PLEKHB2: variants seen among roughly 807,000 people sequenced by gnomAD.
PLEKHB2 encodes pleckstrin homology domain-containing family B member 2.
PLEKHB2 carries 31 observed loss-of-function variants against 36.5 expected under a neutral mutation model. The ratio of observed to expected loss-of-function variants is 0.85; its 90% CI spans 0.64 to 1.15. PLEKHB2 has a LOEUF of 1.15. PLEKHB2 is among the 50% of genes most tolerant of loss of function. PLEKHB2 has a pLI of 0.00. For missense variants in PLEKHB2, 262 were observed against 295.3 expected (o/e 0.89, Z 0.83); for synonymous variants, 119 against 112.0 (o/e 1.06, Z -0.39).
rs369527515 is a variant in PLEKHB2, at chr2:131,147,788, ACT to A, written c.*1018_*1019del. On this transcript the variant is annotated 3_prime_UTR_variant, in exon 8 of 8. Transcript: ENST00000693505. The stretch of plus-strand genomic sequence containing the variant: ...ACTTCAGCCTGGGTGACAGAGTGAG[ACT>A]CTGTCTCAAAAAAAAAAAAAAAATC... 1 of 138,024 alleles carries A rather than the reference ACT, an allele frequency of 7.2e-6. No individual in the cohort carries two copies. The highest frequency in any genetic ancestry group is 3.1e-5 in the African/African-American group (1 of 32,454). 8.5% of individuals were successfully genotyped at this position (138,024 alleles called of 1,614,324 possible). A position where few individuals can be genotyped will look rare whatever the true frequency, so the allele number is the denominator to read the frequency against.
At chr2:131,136,947 TC>T (rs1344231680) in intron 6 of PLEKHB2, among the ~76,000 whole-genome samples, 2,883 of 149,808 alleles carry the variant, frequency 0.019, 148 homozygotes, top group African/African-American at 0.067. Context: ...TTCTTTTCTT[TC>T]TTTTTTTTTT....
chr2:131,131,499 T>A (rs1158442240), intron 5 of PLEKHB2, among the ~76,000 whole-genome samples: 1 of 152,202 alleles, frequency 6.6e-6, no homozygotes, highest in Non-Finnish European at 1.5e-5. Context: ...TAATGCTGTC[T>A]TTATCTGTCA....
chr2:131,130,790 T>A, intron 5 of PLEKHB2, 30 bp downstream of exon 5: 2 of 1,353,958 alleles, frequency 1.5e-6, no homozygotes, highest in Admixed American at 1.9e-5. Context: ...CACCAATAAT[T>A]TTTTTTTTTT....
At chr2:131,143,478 C>G (rs909987282) in intron 7 of PLEKHB2, among the ~76,000 whole-genome samples, 1 of 152,180 alleles carries the variant, frequency 6.6e-6, no homozygotes, top group African/African-American at 2.4e-5. Flanking sequence ...TAAGGGACAT[C>G]CCAGATTTTT....
chr2:131,125,984 T>G (rs1163798749), intron 3 of PLEKHB2, 79 bp downstream of exon 3: 2 of 1,393,164 alleles, frequency 1.4e-6, no homozygotes, highest in African/African-American at 1.4e-5. Flanking sequence ...CTTCCTTCCC[T>G]GTTCTGCTTT....
intron 1 of PLEKHB2, among the ~76,000 whole-genome samples, chr2:131,108,987 G>A (rs1217500129): frequency 6.6e-6 from 1 of 152,108 alleles, no homozygotes; most frequent in Admixed American, 6.6e-5. Flanking sequence ...CTGAACATAG[G>A]TCTTTTAACT....
chr2:131,136,576 A>G (rs1345830046), intron 6 of PLEKHB2, among the ~76,000 whole-genome samples: 2 of 151,766 alleles, frequency 1.3e-5, no homozygotes, highest in Admixed American at 6.6e-5. Flanking sequence ...TGGTTTTCAC[A>G]TACTGAACCA....
chr2:131,117,706 C>T (rs1462122342), intron 1 of PLEKHB2, among the ~76,000 whole-genome samples: 1 of 151,974 alleles, frequency 6.6e-6, no homozygotes, highest in East Asian at 1.9e-4. Flanking sequence ...TGAATGCGTA[C>T]GTGCTTTGCC....
At position 131,115,341 on chromosome 2, in the gene PLEKHB2, C is replaced by CTTTTTTTTT. The variant is rs1179533654; in HGVS notation, c.-8-5570_-8-5562dup. 2.2e-4 allele frequency among the ~76,000 whole-genome samples: 14 copies of CTTTTTTTTT among 64,564 alleles called. 1 individual carries two copies. Among genetic ancestry groups the CTTTTTTTTT allele is most frequent in the Non-Finnish European group, 3.2e-4 (11 of 33,864 alleles). 42.4% of individuals were successfully genotyped at this position (64,564 alleles called of 152,430 possible). On this transcript the variant is annotated intron_variant, in intron 1 of 7. Coordinates refer to ENST00000693505, the MANE Select transcript of PLEKHB2 (RefSeq NM_001100623.2). ...GCCAAACCATTATCAGAAAGTATGT[C>CTTTTTTTTT]TTTTTTTTTTTTTTTTTTTTTTTTT...
chr2:131,109,258 C>T (rs1283520608), intron 1 of PLEKHB2, among the ~76,000 whole-genome samples: 6 of 152,166 alleles, frequency 3.9e-5, no homozygotes, highest in Admixed American at 2.0e-4. Context: ...AATTTAAAAA[C>T]GAAAGCAGAG....
chr2:131,108,446 G>T (rs539974983), intron 1 of PLEKHB2, among the ~76,000 whole-genome samples: 1 of 152,258 alleles, frequency 6.6e-6, no homozygotes, highest in Non-Finnish European at 1.5e-5. Context: ...TTAAGTTATG[G>T]AGTGGTGTGA....
In PLEKHB2 at chr2:131,140,288, G is replaced by A. The variant is rs758299840; in HGVS notation, c.532+13G>A. On this transcript the variant is annotated intron_variant, in intron 7 of 7. Transcript: ENST00000693505. The stretch of plus-strand genomic sequence containing the variant: ...TACCCATATGCAGGTAACTCACGCC[G>A]GCCTTTCATTCCTCATTTCTCTCCA... 1.5e-5 allele frequency: 21 copies of A among 1,390,414 alleles called. No homozygotes were observed. The highest frequency in any genetic ancestry group is 1.9e-5 in the Non-Finnish European group (19 of 980,030). The allele number at this position is 1,390,414 out of a possible 1,614,324, so 86.1% of individuals were successfully genotyped here. A position where few individuals can be genotyped will look rare whatever the true frequency, so the allele number is the denominator to read the frequency against.
intron 6 of PLEKHB2, among the ~76,000 whole-genome samples, chr2:131,135,898 G>A (rs918243541): frequency 1.3e-5 from 2 of 151,948 alleles, no homozygotes; most frequent in Non-Finnish European, 2.9e-5. Context: ...GTGAGCCACC[G>A]CGCCCGGCCA....
intron 2 of PLEKHB2, 28 bp from the exon 3 acceptor site, chr2:131,125,725 A>AG: frequency 1.3e-6 from 2 of 1,576,332 alleles, no homozygotes; most frequent in Non-Finnish European, 8.6e-7. Flanking sequence ...AAAAAAAAAA[A>AG]AACAACCGTA....
intron 2 of PLEKHB2, among the ~76,000 whole-genome samples, chr2:131,124,505 A>G (rs1202127285): frequency 6.6e-6 from 1 of 152,190 alleles, no homozygotes; most frequent in East Asian, 1.9e-4. Context: ...ACTGTTTTAT[A>G]TACCAAGTTA....
chr2:131,108,155 T>C (rs2104758169), intron 1 of PLEKHB2: 1 of 152,358 alleles, frequency 6.6e-6, no homozygotes, highest in South Asian at 2.1e-4. Context: ...CTTAGAACTG[T>C]CAGATTCCAA....
chr2:131,130,285 C>A (rs1357420406), intron 4 of PLEKHB2, among the ~76,000 whole-genome samples: 1 of 151,992 alleles, frequency 6.6e-6, no homozygotes, highest in African/African-American at 2.4e-5. Context: ...CTCAAGTGAT[C>A]CCCCTGCCTT....
intron 1 of PLEKHB2, among the ~76,000 whole-genome samples, chr2:131,106,750 C>T (rs991288866): frequency 6.6e-6 from 1 of 152,130 alleles, no homozygotes; most frequent in Non-Finnish European, 1.5e-5. Flanking sequence ...CTCGACTCTT[C>T]CCTATTCGTA....
intron 4 of PLEKHB2, among the ~76,000 whole-genome samples, chr2:131,127,350 G>T (rs554515608): frequency 6.6e-6 from 1 of 152,304 alleles, no homozygotes; most frequent in East Asian, 1.9e-4. Context: ...CTCTGCCTCT[G>T]TTGTCACATG....
Sources: gnomAD v4.1 joint callset for allele counts (sites outside exome capture counted in the v4.1 genomes callset) on GRCh38, gnomAD v4.1.1 for gene constraint, MANE v1.5 for transcripts, NCBI Gene and HGNC (gene_info 2026-07-23, HGNC 2026-07-21) for gene names.